Variants in PPIG observed in about 807,000 individuals in gnomAD.
PPIG encodes peptidyl-prolyl cis-trans isomerase G.
PPIG carries 26 observed loss-of-function variants against 87.9 expected under a neutral mutation model. The observed-to-expected ratio is 0.30, with a 90% CI of 0.22 to 0.41. The LOEUF (loss-of-function observed/expected upper bound fraction) is 0.41, where lower values mean the gene tolerates loss of function less well. Among genes scored for constraint, PPIG ranks in the 10% least tolerant of loss-of-function variants. The probability of loss-of-function intolerance (pLI) is 1.00; values close to 1 mark genes in which losing one functional copy is unlikely to be tolerated. For synonymous variants in PPIG, 308 were observed against 276.5 expected (o/e 1.11, Z -1.13); for missense variants, 722 against 879.4 (o/e 0.82, Z 2.26).
intron 1 of PPIG, among the ~76,000 whole-genome samples, chr2:169,594,625 C>CTTTTTTT (rs61375406): frequency 2.0e-4 from 23 of 114,626 alleles, no homozygotes; most frequent in African/African-American, 4.8e-4. Context: ...TCTTTCTTTT[C>CTTTTTTT]TTTTTTTTTT....
In PPIG at chr2:169,630,814, T is replaced by TTCC; in HGVS notation, c.597_599dup (p.Ser202dup). 1 of 1,610,586 alleles carries TTCC rather than the reference T, an allele frequency of 6.2e-7. No individual in the cohort carries two copies. The highest frequency in any genetic ancestry group is 8.5e-7 in the Non-Finnish European group (1 of 1,179,050). The stretch of plus-strand genomic sequence containing the variant: ...AGAAAAGGCATAAATCATCATCATC[T>TTCC]TCCTCCTCCTCATCTAGTGACTCAG... On this transcript the variant is annotated inframe_insertion, in exon 10 of 14. Coordinates refer to ENST00000260970, the MANE Select transcript of PPIG (RefSeq NM_004792.3).
At chr2:169,585,092 A>G (rs993161442) in intron 1 of PPIG, among the ~76,000 whole-genome samples, 6 of 151,936 alleles carry the variant, frequency 3.9e-5, no homozygotes, top group African/African-American at 1.2e-4. Context: ...TTTGTTAAGC[A>G]TTTTTCTAAA....
intron 1 of PPIG, among the ~76,000 whole-genome samples, chr2:169,588,888 G>A (rs1478341701): frequency 6.7e-6 from 1 of 148,992 alleles, no homozygotes; most frequent in Non-Finnish European, 1.5e-5. Context: ...GAACCCAGGA[G>A]GCGGAGGTTG....
rs1202257884 is a variant in PPIG at position 169,631,948 on chromosome 2, A to G, written c.929+15A>G. The G allele has an allele frequency of 5.7e-6, 9 of 1,569,716 alleles. No individual in the cohort carries two copies. Among genetic ancestry groups the G allele is most frequent in the South Asian group, 1.1e-5 (1 of 87,994 alleles). ...GAAAGAGAGTGGTATGTGAATATGTATATTTTGCCTTACATGGTTTACCAT... is the reference window on the plus strand; with the variant it reads ...GAAAGAGAGTGGTATGTGAATATGTGTATTTTGCCTTACATGGTTTACCAT... On this transcript the variant is annotated intron_variant, in intron 11 of 13. Transcript: ENST00000260970.
intron 1 of PPIG, among the ~76,000 whole-genome samples, chr2:169,599,392 TAGGC>T (rs1685112845): frequency 6.6e-6 from 1 of 152,170 alleles, no homozygotes; most frequent in Non-Finnish European, 1.5e-5. Flanking sequence ...CTTATTTTCT[TAGGC>T]AGTCCATCAC....
chr2:169,611,696 C>T (rs558116694), intron 7 of PPIG, among the ~76,000 whole-genome samples: 1 of 152,234 alleles, frequency 6.6e-6, no homozygotes, highest in East Asian at 1.9e-4. Flanking sequence ...TTATTTTCCT[C>T]TTTTAAATAA....
At chr2:169,603,753 T>C in intron 2 of PPIG, 59 bp downstream of exon 2, 1 of 364,110 alleles carries the variant, frequency 2.7e-6, no homozygotes, top group Non-Finnish European at 5.0e-6. Flanking sequence ...CTGTTTGAGC[T>C]ATTAATCTGT....
Position 169,637,583 on chromosome 2 carries a change from A to C in PPIG, c.*60A>C. The stretch of plus-strand genomic sequence containing the variant: ...GATTTTAAGTTTGAGAGACTTGCTA[A>C]TGAATCTCCTTTATGTTGTTTTCCT... On this transcript the variant is annotated 3_prime_UTR_variant, in exon 14 of 14. Coordinates refer to ENST00000260970, the MANE Select transcript of PPIG (RefSeq NM_004792.3). 5.7e-6 allele frequency: 8 copies of C among 1,406,580 alleles called. No homozygotes were observed. Among genetic ancestry groups the C allele is most frequent in the Non-Finnish European group, 7.6e-6 (8 of 1,056,710 alleles). 87.1% of individuals were successfully genotyped at this position (1,406,580 alleles called of 1,614,324 possible). A position where few individuals can be genotyped will look rare whatever the true frequency, so the allele number is the denominator to read the frequency against.
At chr2:169,591,414 A>C (rs1007518748) in intron 1 of PPIG, among the ~76,000 whole-genome samples, 2 of 152,206 alleles carry the variant, frequency 1.3e-5, no homozygotes, top group African/African-American at 4.8e-5. Flanking sequence ...AAATATTAAA[A>C]ATAACTTTAA....
chr2:169,612,814 C>A, intron 7 of PPIG, among the ~76,000 whole-genome samples: 1 of 152,214 alleles, frequency 6.6e-6, no homozygotes, highest in East Asian at 1.9e-4. Context: ...TGAGCATTGG[C>A]ATTTGAGTTT....
chr2:169,609,981 C>T (rs1280382937), intron 7 of PPIG, among the ~76,000 whole-genome samples: 2 of 152,164 alleles, frequency 1.3e-5, no homozygotes, highest in African/African-American at 4.8e-5. Flanking sequence ...TTGTAACCTC[C>T]AAATGCTAAG....
rs1361710094 is a variant in PPIG, at chr2:169,641,287, TATC to T, written c.*3767_*3769del. The T allele has an allele frequency of 2.0e-5, 3 of 152,310 alleles. No individual in the cohort carries two copies. Among genetic ancestry groups the T allele is most frequent in the Middle Eastern group, 3.4e-3 (1 of 294 alleles). The allele number at this position is 152,310 out of a possible 1,614,324, so 9.4% of individuals were successfully genotyped here. A position where few individuals can be genotyped will look rare whatever the true frequency, so the allele number is the denominator to read the frequency against. On this transcript the variant is annotated 3_prime_UTR_variant, in exon 14 of 14. Transcript: ENST00000260970. Reference sequence around the variant, plus strand: ...ATTAGTTTCAAAATGCTGCTTCTCTTATCATTAGTCTAGTAATTGTTGAACTTT... The same window carrying T: ...ATTAGTTTCAAAATGCTGCTTCTCTTATTAGTCTAGTAATTGTTGAACTTT...
At chr2:169,601,847 A>C (rs1459676499) in intron 1 of PPIG, among the ~76,000 whole-genome samples, 5 of 152,058 alleles carry the variant, frequency 3.3e-5, no homozygotes, top group Non-Finnish European at 7.4e-5. Context: ...AAATGTGGCT[A>C]GTCTACATTG....
intron 9 of PPIG, among the ~76,000 whole-genome samples, chr2:169,617,659 G>T (rs1211317191): frequency 6.6e-6 from 1 of 152,082 alleles, no homozygotes; most frequent in Admixed American, 6.6e-5. Context: ...CTCTCTGTCT[G>T]TTATTGGTGT....
At chr2:169,612,958 T>G (rs888411925) in intron 7 of PPIG, among the ~76,000 whole-genome samples, 1 of 152,206 alleles carries the variant, frequency 6.6e-6, no homozygotes, top group Non-Finnish European at 1.5e-5. Context: ...CCGTTAGCAA[T>G]GTACAGGAGT....
rs1204896115 is a variant in PPIG, at chr2:169,594,148, A to G, written c.-69-9494A>G. ...CTTTCTGAATTTAGAGTAGTTCCTC[A>G]TAATAGATTTCCAACAGTTGAATTT... On this transcript the variant is annotated intron_variant, in intron 1 of 13. Coordinates refer to ENST00000260970, the MANE Select transcript of PPIG (RefSeq NM_004792.3). 3.9e-5 allele frequency among the ~76,000 whole-genome samples: 6 copies of G among 152,136 alleles called. No individual in the cohort carries two copies. In the East Asian group the frequency reaches 1.2e-3, roughly 29 times the overall value.
intron 1 of PPIG, among the ~76,000 whole-genome samples, chr2:169,595,950 G>A (rs911476329): frequency 9.3e-5 from 14 of 151,156 alleles, no homozygotes; most frequent in Non-Finnish European, 1.3e-4. Flanking sequence ...GATTACAGGC[G>A]TGTGCCACTA....
intron 7 of PPIG, among the ~76,000 whole-genome samples, chr2:169,613,621 C>T (rs980219235): frequency 9.9e-5 from 15 of 152,014 alleles, no homozygotes; most frequent in Admixed American, 5.2e-4. Flanking sequence ...AGATCTCTTG[C>T]AGCTAATTAA....
At position 169,628,691 on chromosome 2, in the gene PPIG, A is replaced by G. The variant is rs565754888; in HGVS notation, c.548-2083A>G. Among the ~76,000 whole-genome samples the G allele has an allele frequency of 7.9e-5, 12 of 152,024 alleles. No homozygotes were observed. In the South Asian group the frequency reaches 1.5e-3, roughly 18 times the overall value. ...ATGGTAGCCCACACCTGTAATCCCA[A>G]CACTTACGGAGGTTGAGACAGGAAG... is the stretch of plus-strand genomic sequence containing the variant. On this transcript the variant is annotated intron_variant, in intron 9 of 13. Transcript: ENST00000260970.
Sources: gnomAD v4.1 joint callset for allele counts (sites outside exome capture counted in the v4.1 genomes callset) on GRCh38, gnomAD v4.1.1 for gene constraint, MANE v1.5 for transcripts, NCBI Gene and HGNC (gene_info 2026-07-23, HGNC 2026-07-21) for gene names.